The following MDFIC2 variants were observed in gnomAD, a reference collection of about 807,000 sequenced individuals.
The protein encoded by MDFIC2 is myoD family inhibitor domain-containing protein 2.
chr3:70,307,225 G>T (rs1702410911), intron 2 of MDFIC2, among the ~76,000 whole-genome samples: 1 of 151,994 alleles, frequency 6.6e-6, no homozygotes, highest in South Asian at 2.1e-4. Context: ...TGTTGTTGTT[G>T]TTACTTAACC....
intron 2 of MDFIC2, among the ~76,000 whole-genome samples, chr3:70,259,765 G>T (rs958682577): frequency 6.6e-6 from 1 of 152,098 alleles, no homozygotes; most frequent in Non-Finnish European, 1.5e-5. Flanking sequence ...TTTTCATACC[G>T]GTATAAAAAC....
chr3:70,295,529 C>G (rs1702281560), intron 2 of MDFIC2, among the ~76,000 whole-genome samples: 1 of 151,920 alleles, frequency 6.6e-6, no homozygotes, highest in South Asian at 2.1e-4. Context: ...ATAGTGAGAT[C>G]CCGTCTCTAC....
rs566387565 is a variant in MDFIC2 at position 70,194,600 on chromosome 3, A to G, written c.*2326T>C. Among the ~76,000 whole-genome samples the G allele has an allele frequency of 6.6e-6, 1 of 152,282 alleles. No individual in the cohort carries two copies. The highest frequency in any genetic ancestry group is 2.4e-5 in the African/African-American group (1 of 41,568). ...TGAAAGTGAGGAACAAAGTTAACAA[A>G]CCGTGGAAAGCAAGGCCACAGAAAG... On this transcript the variant is annotated 3_prime_UTR_variant, in exon 4 of 4. Coordinates refer to ENST00000567252, the MANE Select transcript of MDFIC2 (RefSeq NM_001364677.1).
At chr3:70,276,527 T>G (rs9310188) in intron 2 of MDFIC2, among the ~76,000 whole-genome samples, 2 of 152,006 alleles carry the variant, frequency 1.3e-5, no homozygotes, top group African/African-American at 4.8e-5. Flanking sequence ...ATTCATTCCA[T>G]GTTTATTTAG....
chr3:70,228,663 T>C (rs1028525973), intron 2 of MDFIC2, among the ~76,000 whole-genome samples: 1 of 151,900 alleles, frequency 6.6e-6, no homozygotes, highest in African/African-American at 2.4e-5. Context: ...GGGCTAAATG[T>C]TAAAAATTGA....
chr3:70,306,582 A>C (rs79744982), intron 2 of MDFIC2, among the ~76,000 whole-genome samples: 1 of 151,292 alleles, frequency 6.6e-6, no homozygotes, highest in Non-Finnish European at 1.5e-5. Context: ...CCCACCCCCT[A>C]TTTTTTTTAT....
chr3:70,275,916 A>T (rs1702020743), intron 2 of MDFIC2, among the ~76,000 whole-genome samples: 1 of 152,182 alleles, frequency 6.6e-6, no homozygotes, highest in South Asian at 2.1e-4. Flanking sequence ...CTCATTGTCG[A>T]TGCAAATCAT....
At position 70,289,715 on chromosome 3, in the gene MDFIC2, G is replaced by A. The variant is rs1029975857; in HGVS notation, c.88+22171C>T. ...GGTACACCAATCAGACCTAGATTTG[G>A]TCTTTTCACATAGTCCCATATTTCT... is the stretch of plus-strand genomic sequence containing the variant. On this transcript the variant is annotated intron_variant, in intron 2 of 3. Coordinates refer to ENST00000567252, the MANE Select transcript of MDFIC2 (RefSeq NM_001364677.1). 7.9e-5 allele frequency among the ~76,000 whole-genome samples: 12 copies of A among 152,168 alleles called. 1 individual carries two copies. The highest frequency in any genetic ancestry group is 6.2e-4 in the South Asian group (3 of 4,812).
Position 70,195,353 on chromosome 3 carries a change from A to G in MDFIC2, c.*1573T>C, listed in dbSNP as rs1248587118. ...TCCGTGGTTTGTGAATAACATGGTC[A>G]TCAAACAGGAATGAAATCAGCATTA... On this transcript the variant is annotated 3_prime_UTR_variant, in exon 4 of 4. Transcript: ENST00000567252. Among the ~76,000 whole-genome samples the G allele has an allele frequency of 6.6e-6, 1 of 152,204 alleles. No individual in the cohort carries two copies. The highest frequency in any genetic ancestry group is 2.4e-5 in the African/African-American group (1 of 41,448).
chr3:70,202,834 C>G (rs922954249), intron 3 of MDFIC2, among the ~76,000 whole-genome samples: 1 of 152,064 alleles, frequency 6.6e-6, no homozygotes, highest in Non-Finnish European at 1.5e-5. Flanking sequence ...TGGGGACTGG[C>G]TAATTAGGAG....
intron 2 of MDFIC2, among the ~76,000 whole-genome samples, chr3:70,262,886 T>A (rs1032250768): frequency 6.6e-6 from 1 of 152,208 alleles, no homozygotes; most frequent in Admixed American, 6.5e-5. Flanking sequence ...TTTCTCCCAA[T>A]ATTTTTGTCT....
chr3:70,214,762 T>A (rs1701389663), intron 2 of MDFIC2, among the ~76,000 whole-genome samples: 1 of 152,074 alleles, frequency 6.6e-6, no homozygotes, highest in East Asian at 1.9e-4. Flanking sequence ...TAAGAGATAG[T>A]TGAATCTTCT....
intron 2 of MDFIC2, among the ~76,000 whole-genome samples, chr3:70,251,035 G>T (rs571120785): frequency 2.6e-5 from 4 of 152,298 alleles, no homozygotes; most frequent in African/African-American, 9.6e-5. Context: ...TTTCCAGAGA[G>T]ACTTAGAGAA....
At chr3:70,225,972 A>G (rs970349290) in intron 2 of MDFIC2, among the ~76,000 whole-genome samples, 3 of 152,202 alleles carry the variant, frequency 2.0e-5, no homozygotes, top group Non-Finnish European at 1.5e-5. Context: ...AACAATGTAG[A>G]CAGGATGAGA....
chr3:70,282,147 T>C (rs964063208), intron 2 of MDFIC2, among the ~76,000 whole-genome samples: 1 of 152,116 alleles, frequency 6.6e-6, no homozygotes, highest in African/African-American at 2.4e-5. Flanking sequence ...CAAAATCTGT[T>C]ACTCAACAGA....
chr3:70,194,676 G>T lies in MDFIC2; in HGVS notation c.*2250C>A, dbSNP rs1242202690. 1.3e-5 allele frequency among the ~76,000 whole-genome samples: 2 copies of T among 152,298 alleles called. No individual in the cohort carries two copies. The highest frequency in any genetic ancestry group is 3.9e-4 in the East Asian group (2 of 5,180). ...CCACATAAGACCTGGTGATTTTTAT[G>T]TCTCTAATTGACAAGCATTCAATTC... is the stretch of plus-strand genomic sequence containing the variant. On this transcript the variant is annotated 3_prime_UTR_variant, in exon 4 of 4. Transcript: ENST00000567252.
At position 70,311,911 on chromosome 3, in the gene MDFIC2, T is replaced by C; in HGVS notation, c.63A>G (p.Lys21=). 1 of 397,858 alleles carries C rather than the reference T, an allele frequency of 2.5e-6. No individual in the cohort carries two copies. Among genetic ancestry groups the C allele is most frequent in the Admixed American group, 4.4e-5 (1 of 22,722 alleles). The allele number at this position is 397,858 out of a possible 1,614,324, so 24.6% of individuals were successfully genotyped here. Reference sequence around the variant, plus strand: ...CTTCTTTCAACCAAGAAATGTTATTTTTATCATTTTCTAAATGCTCAGCTG... The same window carrying C: ...CTTCTTTCAACCAAGAAATGTTATTCTTATCATTTTCTAAATGCTCAGCTG... ...VRTAEHLEND[K]NNISWLKEDT... is the part of the protein sequence containing the mutation. Residue 21 remains lysine, a synonymous_variant, in exon 2 of 4, where the codon AAA becomes AAG. Transcript: ENST00000567252.
intron 2 of MDFIC2, among the ~76,000 whole-genome samples, chr3:70,279,319 G>A (rs1362433985): frequency 1.3e-5 from 2 of 152,046 alleles, no homozygotes; most frequent in Non-Finnish European, 2.9e-5. Context: ...AACACATATG[G>A]AGTGGGTGAT....
intron 2 of MDFIC2, among the ~76,000 whole-genome samples, chr3:70,278,033 A>G (rs1431325104): frequency 6.6e-6 from 1 of 152,102 alleles, no homozygotes; most frequent in East Asian, 1.9e-4. Context: ...GTGTACACCT[A>G]TCTAACCACC....
Sources: allele counts gnomAD v4.1 joint callset (sites outside exome capture counted in the v4.1 genomes callset), GRCh38; gene constraint gnomAD v4.1.1; transcripts MANE v1.5; gene names NCBI Gene and HGNC (gene_info 2026-07-23, HGNC 2026-07-21).